The following GFOD2 variants were observed in gnomAD, a reference collection of about 807,000 sequenced individuals.
GFOD2 encodes Gfo/Idh/MocA-like oxidoreductase domain containing 2, also known as glucose-fructose oxidoreductase domain-containing protein 2.
Under a neutral mutation model 24.6 loss-of-function variants are expected in GFOD2, and 9 were observed. The observed-to-expected ratio is 0.37, with a 90% CI of 0.22 to 0.64. GFOD2 has a LOEUF of 0.64. Among genes scored for constraint, GFOD2 ranks in the 30% least tolerant of loss-of-function variants. The probability of loss-of-function intolerance (pLI) is 0.65; values close to 1 mark genes in which losing one functional copy is unlikely to be tolerated. For missense variants in GFOD2, 476 were observed against 532.5 expected, an observed-to-expected ratio of 0.89 and a Z score of 1.04; for synonymous variants, 211 against 224.8, an observed-to-expected ratio of 0.94 and a Z score of 0.55.
chr16:67,702,870 T>A (rs1457758721), intron 1 of GFOD2, among the ~76,000 whole-genome samples: 1 of 151,830 alleles, frequency 6.6e-6, no homozygotes, highest in Non-Finnish European at 1.5e-5. Flanking sequence ...AGTGCTGGGA[T>A]TACAGGAGTA....
At chr16:67,712,964 T>G (rs1180775698) in intron 1 of GFOD2, among the ~76,000 whole-genome samples, 1 of 99,106 alleles carries the variant, frequency 1.0e-5, no homozygotes, top group Non-Finnish European at 1.8e-5. Flanking sequence ...GGAGCGCCTC[T>G]GCTGGGCGCT....
intron 2 of GFOD2, among the ~76,000 whole-genome samples, chr16:67,679,610 C>T (rs2053209151): frequency 6.6e-6 from 1 of 151,038 alleles, no homozygotes; most frequent in Non-Finnish European, 1.5e-5. Flanking sequence ...GGGTCTTGGC[C>T]GGGCGCAGTG....
At chr16:67,703,079 A>G (rs1567660500) in intron 1 of GFOD2, among the ~76,000 whole-genome samples, 1 of 152,156 alleles carries the variant, frequency 6.6e-6, no homozygotes, top group African/African-American at 2.4e-5. Context: ...AAGTCTTTAT[A>G]ACGTTGGGGT....
intron 2 of GFOD2, chr16:67,683,665 A>G: frequency 4.1e-6 from 5 of 1,231,666 alleles, no homozygotes; most frequent in Non-Finnish European, 4.0e-6. Flanking sequence ...TCTCACTTCA[A>G]AGAACATTTA....
At chr16:67,714,324 C>T (rs1479563047) in intron 1 of GFOD2, among the ~76,000 whole-genome samples, 1 of 151,542 alleles carries the variant, frequency 6.6e-6, no homozygotes, top group African/African-American at 2.4e-5. Flanking sequence ...ACTAAAAATA[C>T]AAAAATTAGC....
At chr16:67,716,308 T>C (rs564669902) in intron 1 of GFOD2, among the ~76,000 whole-genome samples, 3 of 152,350 alleles carry the variant, frequency 2.0e-5, no homozygotes, top group East Asian at 1.9e-4. Context: ...AGGCCAGATA[T>C]GATAACTGCC....
chr16:67,696,709 G>A (rs565935902), intron 1 of GFOD2, among the ~76,000 whole-genome samples: 10 of 152,168 alleles, frequency 6.6e-5, no homozygotes, highest in Non-Finnish European at 1.2e-4. Flanking sequence ...TCCTGACCTC[G>A]TGATCCGCCT....
chr16:67,686,279 G>C (rs2053265697), intron 1 of GFOD2, among the ~76,000 whole-genome samples: 1 of 151,676 alleles, frequency 6.6e-6, no homozygotes, highest in South Asian at 2.1e-4. Context: ...GCAAGACCTT[G>C]TCTCAAAAGA....
At position 67,687,779 on chromosome 16, in the gene GFOD2, A is replaced by G. The variant is rs182880975; in HGVS notation, c.-87-1977T>C. On this transcript the variant is annotated intron_variant, in intron 1 of 2. Transcript: ENST00000268797. ...GAGATCAACAATTCAAGATCAGCAC[A>G]AGCAACTTAGTGAGACACCCATCTT... is the stretch of plus-strand genomic sequence containing the variant. 4.0e-5 allele frequency among the ~76,000 whole-genome samples: 6 copies of G among 150,622 alleles called. No homozygotes were observed. The Admixed American group carries it at 4.0e-4, about 10-fold the overall frequency.
At chr16:67,693,285 GTTT>G (rs113766618) in intron 1 of GFOD2, among the ~76,000 whole-genome samples, 1 of 143,024 alleles carries the variant, frequency 7.0e-6, no homozygotes, top group African/African-American at 2.6e-5. Context: ...GGCTTTTTGG[GTTT>G]TTTTTTTTTT....
At chr16:67,704,369 C>A (rs191338741) in intron 1 of GFOD2, among the ~76,000 whole-genome samples, 2 of 152,328 alleles carry the variant, frequency 1.3e-5, no homozygotes, top group African/African-American at 2.4e-5. Flanking sequence ...TTACAGGCAT[C>A]ATCTGATTTA....
chr16:67,689,466 T>C (rs1262431688), intron 1 of GFOD2, among the ~76,000 whole-genome samples: 3 of 147,398 alleles, frequency 2.0e-5, no homozygotes, highest in African/African-American at 7.5e-5. Context: ...AGGTGAGGAG[T>C]TTGAGACCAG....
intron 1 of GFOD2, among the ~76,000 whole-genome samples, chr16:67,693,950 C>A (rs113576949): frequency 6.6e-6 from 1 of 151,170 alleles, no homozygotes; most frequent in Non-Finnish European, 1.5e-5. Context: ...AACAAACAAA[C>A]AAAAAAACCA....
At chr16:67,699,113 C>T (rs112210483) in intron 1 of GFOD2, among the ~76,000 whole-genome samples, 2,607 of 152,066 alleles carry the variant, frequency 0.017, 24 homozygotes, top group Non-Finnish European at 0.027. Context: ...GAGGCCAAGG[C>T]GGGCGGATCA....
rs151146759 is a variant in GFOD2, at chr16:67,675,282, A to G, written c.1031T>C (p.Met344Thr). The change falls in exon 3 of 3, where the codon ATG becomes ACG. Residue 344 changes from methionine (M) to threonine (T), a missense_variant. Transcript: ENST00000268797. ...MAASFEDGLY[M>T]QSVVDAIKRS... ...CTTGATGGCATCCACCACGCTCTGC[A>G]TGTACAGCCCATCCTCGAAGGAGGC... is the stretch of plus-strand genomic sequence containing the variant. 3 of 1,612,868 alleles carry G rather than the reference A, an allele frequency of 1.9e-6. No homozygotes were observed. Among genetic ancestry groups the G allele is most frequent in the East Asian group, 2.2e-5 (1 of 44,886 alleles).
chr16:67,692,154 G>A (rs577056707), intron 1 of GFOD2, among the ~76,000 whole-genome samples: 6 of 151,628 alleles, frequency 4.0e-5, no homozygotes, highest in Non-Finnish European at 8.8e-5. Context: ...GTAAAGTGTG[G>A]GGGATATACC....
At chr16:67,704,922 G>A (rs1017791207) in intron 1 of GFOD2, among the ~76,000 whole-genome samples, 1 of 152,172 alleles carries the variant, frequency 6.6e-6, no homozygotes, top group Non-Finnish European at 1.5e-5. Context: ...TCTGGCACCT[G>A]CCTCTGCTCC....
At chr16:67,691,522 A>C (rs957176634) in intron 1 of GFOD2, among the ~76,000 whole-genome samples, 1 of 148,082 alleles carries the variant, frequency 6.8e-6, no homozygotes, top group Non-Finnish European at 1.5e-5. Context: ...CCCCCCAAAA[A>C]AAAAAAAATT....
intron 1 of GFOD2, among the ~76,000 whole-genome samples, chr16:67,697,107 G>C (rs1012495652): frequency 2.6e-5 from 4 of 152,294 alleles, no homozygotes; most frequent in Non-Finnish European, 5.9e-5. Context: ...AGTGTGCCTT[G>C]GCAGGACAGG....
Sources: allele counts gnomAD v4.1 joint callset (sites outside exome capture counted in the v4.1 genomes callset), GRCh38; gene constraint gnomAD v4.1.1; transcripts MANE v1.5; gene names NCBI Gene and HGNC (gene_info 2026-07-23, HGNC 2026-07-21).